The following SLC38A12 variants were observed in gnomAD, a reference collection of about 807,000 sequenced individuals.
SLC38A12 encodes the protein solute carrier family 38 member 12, also known as putative sodium-coupled neutral amino acid transporter 12.
chr17:74,824,883 A>G, the SLC38A12 span, among the ~76,000 whole-genome samples: 26 of 152,152 alleles, frequency 1.7e-4, no homozygotes, highest in African/African-American at 6.3e-4. Flanking sequence ...GAGGTGGGAC[A>G]TGGTGGTGGT....
the SLC38A12 span, among the ~76,000 whole-genome samples, chr17:74,776,784 TA>T: frequency 9.9e-5 from 15 of 151,816 alleles, no homozygotes; most frequent in African/African-American, 1.5e-4. Flanking sequence ...GAGGCCCCAT[TA>T]AAAAAAGGAG....
chr17:74,799,450 G>A, the SLC38A12 span, among the ~76,000 whole-genome samples: 2 of 152,208 alleles, frequency 1.3e-5, no homozygotes, highest in East Asian at 1.9e-4. Context: ...CACAGGAGCT[G>A]TGAGATCCAC....
At chr17:74,835,878 T>C in the SLC38A12 span, 1 of 1,543,722 alleles carries the variant, frequency 6.5e-7, no homozygotes, top group Non-Finnish European at 8.7e-7. Flanking sequence ...AAACTCAAGG[T>C]AGGGCCGTGC....
chr17:74,779,296 G>A, the SLC38A12 span, among the ~76,000 whole-genome samples: 21 of 152,276 alleles, frequency 1.4e-4, no homozygotes, highest in African/African-American at 2.4e-4. Context: ...GCTTCAGTGC[G>A]CTCTGCCCGT....
the SLC38A12 span, chr17:74,785,492 T>C: frequency 6.2e-7 from 1 of 1,612,046 alleles, no homozygotes; most frequent in Non-Finnish European, 8.5e-7. Flanking sequence ...GTTGGGCTGG[T>C]GTACATGTTT....
chr17:74,810,255 AG>A, the SLC38A12 span, among the ~76,000 whole-genome samples: 1 of 152,214 alleles, frequency 6.6e-6, no homozygotes, highest in African/African-American at 2.4e-5. Context: ...TCTAATGCAC[AG>A]GGGGCACCCA....
chr17:74,838,055 G>A, the SLC38A12 span: 1 of 985,774 alleles, frequency 1.0e-6, no homozygotes, highest in African/African-American at 1.7e-5. Context: ...GGGTCTCCCG[G>A]GGCCCAAGGT....
At chr17:74,819,908 G>A in the SLC38A12 span, 1 of 1,472,454 alleles carries the variant, frequency 6.8e-7, no homozygotes, top group South Asian at 1.1e-5. Flanking sequence ...CTCCTTTCAT[G>A]AGAGGCCGTG....
At chr17:74,825,204 G>C in the SLC38A12 span, among the ~76,000 whole-genome samples, 1 of 152,210 alleles carries the variant, frequency 6.6e-6, no homozygotes, top group African/African-American at 2.4e-5. Context: ...GCTGTCAGCA[G>C]CCCTGCACGG....
At chr17:74,777,555 G>A in the SLC38A12 span, 14 of 1,533,960 alleles carry the variant, frequency 9.1e-6, no homozygotes, top group Non-Finnish European at 1.2e-5. Context: ...CAGAATGTAA[G>A]TCAGATTTAT....
the SLC38A12 span, among the ~76,000 whole-genome samples, chr17:74,817,172 C>T: frequency 6.6e-6 from 1 of 152,162 alleles, no homozygotes; most frequent in Non-Finnish European, 1.5e-5. Flanking sequence ...CCTTAATTAG[C>T]CCCAGCTCGC....
chr17:74,837,597 G>A, the SLC38A12 span: 12 of 985,322 alleles, frequency 1.2e-5, no homozygotes, highest in East Asian at 2.3e-4. Context: ...CAGGCTGCCC[G>A]TGCTCCCACT....
chr17:74,819,637 G>A, the SLC38A12 span: 3 of 1,023,392 alleles, frequency 2.9e-6, no homozygotes, highest in African/African-American at 4.7e-5. Flanking sequence ...GTGTGCCCAA[G>A]TCAGGCCCGG....
chr17:74,778,393 C>T, the SLC38A12 span, among the ~76,000 whole-genome samples: 2 of 152,164 alleles, frequency 1.3e-5, no homozygotes, highest in Non-Finnish European at 2.9e-5. Context: ...TAGAACTTGA[C>T]CTGCCTTCAA....
chr17:74,797,901 A>G, the SLC38A12 span, among the ~76,000 whole-genome samples: 1 of 152,194 alleles, frequency 6.6e-6, no homozygotes, highest in Admixed American at 6.5e-5. Flanking sequence ...GATTCCATCA[A>G]GTGGCCCCTT....
the SLC38A12 span, among the ~76,000 whole-genome samples, chr17:74,832,339 G>T: frequency 1.3e-5 from 2 of 152,164 alleles, no homozygotes; most frequent in Non-Finnish European, 2.9e-5. Context: ...CCACTCCCAG[G>T]GGACAGATCC....
At chr17:74,779,828 G>A in the SLC38A12 span, among the ~76,000 whole-genome samples, 1 of 152,176 alleles carries the variant, frequency 6.6e-6, no homozygotes, top group Non-Finnish European at 1.5e-5. Flanking sequence ...TCCCCTTCAG[G>A]AGTTCCAAGG....
At chr17:74,802,024 GC>G in the SLC38A12 span, among the ~76,000 whole-genome samples, 12 of 152,146 alleles carry the variant, frequency 7.9e-5, no homozygotes, top group East Asian at 2.3e-3. Flanking sequence ...TCTGAGCACG[GC>G]CCCTGTCCCT....
the SLC38A12 span, among the ~76,000 whole-genome samples, chr17:74,795,857 G>C: frequency 6.6e-6 from 1 of 152,220 alleles, no homozygotes; most frequent in Non-Finnish European, 1.5e-5. Flanking sequence ...GTCAAGCGTG[G>C]TTTGGAGTAG....
Sources: allele counts gnomAD v4.1 joint callset (sites outside exome capture counted in the v4.1 genomes callset), GRCh38; gene constraint gnomAD v4.1.1; transcripts MANE v1.5; gene names NCBI Gene and HGNC (gene_info 2026-07-23, HGNC 2026-07-21).